The following MBNL1 variants were observed in gnomAD, a reference collection of about 807,000 sequenced individuals.
The protein encoded by MBNL1 is muscleblind-like protein 1.
Under a neutral mutation model 42.2 loss-of-function variants are expected in MBNL1, and 8 were observed. That is an observed-to-expected ratio of 0.19 (90% CI 0.11 to 0.34). MBNL1 has a LOEUF of 0.34. Among genes scored for constraint, MBNL1 ranks in the 10% least tolerant of loss-of-function variants. MBNL1 has a pLI of 1.00. For synonymous variants in MBNL1, 169 were observed against 173.9 expected (o/e 0.97, Z 0.22); for missense variants, 309 against 495.3 (o/e 0.62, Z 3.57).
chr3:152,418,611 C>T (rs1198446877), intron 3 of MBNL1, among the ~76,000 whole-genome samples: 1 of 103,742 alleles, frequency 9.6e-6, no homozygotes, highest in Non-Finnish European at 2.1e-5. Context: ...AAGACCCTGT[C>T]TCTAAAAAAA....
At chr3:152,318,416 G>A (rs543894149) in intron 2 of MBNL1, among the ~76,000 whole-genome samples, 20 of 152,210 alleles carry the variant, frequency 1.3e-4, no homozygotes, top group African/African-American at 4.6e-4. Flanking sequence ...GTAGAATTTT[G>A]GAGATTATAT....
intron 2 of MBNL1, among the ~76,000 whole-genome samples, chr3:152,261,331 A>T (rs1333513637): frequency 6.6e-6 from 1 of 152,132 alleles, no homozygotes; most frequent in African/African-American, 2.4e-5. Flanking sequence ...TCAAGGAGAT[A>T]ATGTGTGACC....
At chr3:152,415,740 G>A (rs547122120) in intron 3 of MBNL1, among the ~76,000 whole-genome samples, 1 of 152,196 alleles carries the variant, frequency 6.6e-6, no homozygotes, top group East Asian at 1.9e-4. Flanking sequence ...AAACTGGGTG[G>A]TCATAGATAT....
At chr3:152,305,475 T>C (rs2062612108) in intron 2 of MBNL1, among the ~76,000 whole-genome samples, 1 of 152,030 alleles carries the variant, frequency 6.6e-6, no homozygotes. Context: ...GAGGTCCTAT[T>C]GAGGAAATTT....
chr3:152,439,168 G>A (rs1190844400), intron 4 of MBNL1, among the ~76,000 whole-genome samples: 1 of 152,070 alleles, frequency 6.6e-6, no homozygotes, highest in East Asian at 1.9e-4. Flanking sequence ...TCTAATTTGG[G>A]CCACTAATTG....
intron 2 of MBNL1, among the ~76,000 whole-genome samples, chr3:152,410,760 GT>G (rs1560486930): frequency 6.6e-6 from 1 of 152,212 alleles, no homozygotes; most frequent in African/African-American, 2.4e-5. Context: ...GCACAGAAAC[GT>G]AACGTTGTAA....
At chr3:152,429,326 A>C (rs2098976389) in intron 3 of MBNL1, among the ~76,000 whole-genome samples, 1 of 152,220 alleles carries the variant, frequency 6.6e-6, no homozygotes, top group African/African-American at 2.4e-5. Context: ...TAAAACAAAC[A>C]AGTGATTAAC....
chr3:152,376,531 G>T (rs2096909021), intron 2 of MBNL1, among the ~76,000 whole-genome samples: 1 of 152,148 alleles, frequency 6.6e-6, no homozygotes, highest in South Asian at 2.1e-4. Context: ...GTTTATGGTG[G>T]ACAAGACTTG....
intron 3 of MBNL1, among the ~76,000 whole-genome samples, chr3:152,430,180 C>T (rs546893816): frequency 6.6e-6 from 1 of 152,260 alleles, no homozygotes; most frequent in South Asian, 2.1e-4. Context: ...TTTTAGATTT[C>T]CAGTGTATTT....
At chr3:152,328,957 G>A (rs2082255576) in intron 2 of MBNL1, among the ~76,000 whole-genome samples, 1 of 152,092 alleles carries the variant, frequency 6.6e-6, no homozygotes, top group South Asian at 2.1e-4. Context: ...TAGTACCAAG[G>A]GAGACGGTAG....
chr3:152,439,782 AG>A (rs2153813342), intron 4 of MBNL1, among the ~76,000 whole-genome samples: 1 of 152,248 alleles, frequency 6.6e-6, no homozygotes, highest in Non-Finnish European at 1.5e-5. Context: ...AGGGAGGTTG[AG>A]GCTGCAGTGA....
chr3:152,325,927 G>A (rs1032521267), intron 2 of MBNL1, among the ~76,000 whole-genome samples: 3 of 151,696 alleles, frequency 2.0e-5, no homozygotes, highest in African/African-American at 7.3e-5. Flanking sequence ...TCAGCATTTT[G>A]TATGCATGTA....
chr3:152,268,578 C>T (rs2037928172), upstream of MBNL1: 3 of 353,410 alleles, frequency 8.5e-6, no homozygotes, highest in Non-Finnish European at 1.1e-5. Context: ...TGCACGCCCG[C>T]CGCGAGGTTA....
At chr3:152,397,369 C>G (rs1385793425) in intron 2 of MBNL1, among the ~76,000 whole-genome samples, 1 of 152,096 alleles carries the variant, frequency 6.6e-6, no homozygotes, top group Admixed American at 6.5e-5. Flanking sequence ...CACCCCTACC[C>G]CTGACAGGCC....
chr3:152,437,887 C>T (rs1294886589), intron 4 of MBNL1, among the ~76,000 whole-genome samples: 1 of 152,006 alleles, frequency 6.6e-6, no homozygotes, highest in Non-Finnish European at 1.5e-5. Flanking sequence ...AATTCTTCTG[C>T]CTCAGCCTCC....
At chr3:152,433,656 A>T (rs1258955566) in intron 4 of MBNL1, among the ~76,000 whole-genome samples, 1 of 150,696 alleles carries the variant, frequency 6.6e-6, no homozygotes. Flanking sequence ...AGGCTGAGGC[A>T]GGAGAATGGC....
intron 1 of MBNL1, among the ~76,000 whole-genome samples, chr3:152,287,761 T>G (rs2053423109): frequency 6.6e-6 from 1 of 152,240 alleles, no homozygotes; most frequent in Non-Finnish European, 1.5e-5. Context: ...TGTGGAAAGC[T>G]GGTCATTACT....
intron 5 of MBNL1, among the ~76,000 whole-genome samples, chr3:152,446,212 A>T (rs2099222440): frequency 2.0e-5 from 3 of 152,160 alleles, no homozygotes. Context: ...CTAGTAGCTG[A>T]TTTTAATGAG....
At chr3:152,421,901 G>T (rs2098811088) in intron 3 of MBNL1, among the ~76,000 whole-genome samples, 1 of 151,900 alleles carries the variant, frequency 6.6e-6, no homozygotes, top group African/African-American at 2.4e-5. Context: ...TCACCACCAG[G>T]CCTGCCTTAC....
Sources: allele counts gnomAD v4.1 joint callset (sites outside exome capture counted in the v4.1 genomes callset), GRCh38; gene constraint gnomAD v4.1.1; transcripts MANE v1.5; gene names NCBI Gene and HGNC (gene_info 2026-07-23, HGNC 2026-07-21).